The following ADAMTSL1 variants were observed in gnomAD, a reference collection of about 807,000 sequenced individuals.
ADAMTSL1 encodes the protein ADAMTS like 1.
Under a neutral mutation model 201.8 loss-of-function variants are expected in ADAMTSL1, and 126 were observed. The ratio of observed to expected loss-of-function variants is 0.62; its 90% CI spans 0.54 to 0.72. The LOEUF (loss-of-function observed/expected upper bound fraction) is 0.72. Among genes scored for constraint, ADAMTSL1 ranks in the 30% least tolerant of loss-of-function variants. The pLI, the probability that ADAMTSL1 is intolerant of heterozygous loss-of-function variation, is 0.00. For missense variants in ADAMTSL1, 2,679 were observed against 2,277.8 expected, an observed-to-expected ratio of 1.18 and a Z score of -3.59; for synonymous variants, 1,121 against 903.4, an observed-to-expected ratio of 1.24 and a Z score of -4.32.
Position 18,777,259 on chromosome 9 carries a change from G to A in ADAMTSL1, c.3030G>A (p.Lys1010=), listed in dbSNP as rs754816730. ...TCTCCAACGGCAGCAAGGCGGAGAA[G>A]CGGGGCCTGGCCGCCAACCCGGGGA... ...GIFSNGSKAE[K]RGLAANPGSR... The change falls in exon 19 of 29, where the codon AAG becomes AAA. Residue 1010 remains lysine (K), a synonymous_variant. Transcript: ENST00000380548. 1 of 1,611,142 alleles carries A rather than the reference G, an allele frequency of 6.2e-7. No individual in the cohort carries two copies. Among genetic ancestry groups the A allele is most frequent in the Non-Finnish European group, 8.5e-7 (1 of 1,179,122 alleles).
chr9:18,195,039 AG>A (rs1347408719), intron 2 of ADAMTSL1, among the ~76,000 whole-genome samples: 4 of 152,144 alleles, frequency 2.6e-5, no homozygotes, highest in Non-Finnish European at 5.9e-5. Context: ...AGTTCCTATA[AG>A]ATGAAAGGCT....
intron 20 of ADAMTSL1, among the ~76,000 whole-genome samples, chr9:18,810,222 T>C (rs951172396): frequency 6.6e-6 from 1 of 152,174 alleles, no homozygotes; most frequent in Non-Finnish European, 1.5e-5. Context: ...GTATGGAATA[T>C]AAGTTGTATA....
intron 3 of ADAMTSL1, among the ~76,000 whole-genome samples, chr9:18,560,475 TG>T (rs1161085971): frequency 6.6e-6 from 1 of 152,130 alleles, no homozygotes; most frequent in Non-Finnish European, 1.5e-5. Flanking sequence ...TTTTCTTTTT[TG>T]TTGTTGTTTA....
chr9:18,244,547 C>T (rs895105877), intron 2 of ADAMTSL1, among the ~76,000 whole-genome samples: 1 of 152,024 alleles, frequency 6.6e-6, no homozygotes, highest in Admixed American at 6.6e-5. Context: ...TCCTTGCTTC[C>T]TCCTCTTTAC....
intron 19 of ADAMTSL1, 69 bp from the exon 20 acceptor site, chr9:18,795,328 A>T (rs1270703443): frequency 1.9e-6 from 3 of 1,596,144 alleles, no homozygotes; most frequent in Non-Finnish European, 2.6e-6. Context: ...TTCCTGCCTT[A>T]CCAATATTGA....
At chr9:18,367,992 C>A (rs1001426948) in intron 2 of ADAMTSL1, among the ~76,000 whole-genome samples, 1 of 152,014 alleles carries the variant, frequency 6.6e-6, no homozygotes, top group Admixed American at 6.5e-5. Flanking sequence ...CTCCGCCTCC[C>A]GGGTTCACGC....
chr9:18,776,591 C>T (rs115838491), intron 18 of ADAMTSL1, among the ~76,000 whole-genome samples, 190 bp from the exon 19 acceptor site: 2,843 of 152,278 alleles, frequency 0.019, 48 homozygotes, highest in South Asian at 0.072. Flanking sequence ...AAAACACAGG[C>T]AGTAAAGGAT....
In ADAMTSL1 at chr9:18,883,084, T is replaced by C. The variant is rs551167390; in HGVS notation, c.4250-4747T>C. Among the ~76,000 whole-genome samples, 5 of 152,002 alleles carry C rather than the reference T, an allele frequency of 3.3e-5. No individual in the cohort carries two copies. The East Asian group carries it at 5.8e-4, about 18-fold the overall frequency. On this transcript the variant is annotated intron_variant, in intron 23 of 28. Transcript: ENST00000380548. ...TGTCCTATTCCAGGCCTTCAATCCA[T>C]TGGCCAAGTGGAAAAGCTGGAAGAT...
intron 15 of ADAMTSL1, among the ~76,000 whole-genome samples, chr9:18,724,389 A>C (rs926886790): frequency 1.1e-4 from 17 of 152,186 alleles, no homozygotes; most frequent in Non-Finnish European, 2.5e-4. Flanking sequence ...ACTCTGTGTG[A>C]TGGCAGGGAT....
intron 3 of ADAMTSL1, among the ~76,000 whole-genome samples, chr9:18,572,059 G>T (rs77036968): frequency 6.6e-6 from 1 of 152,020 alleles, no homozygotes; most frequent in African/African-American, 2.4e-5. Context: ...GCTGGGTGTG[G>T]GGGCACATGC....
chr9:18,588,653 C>T (rs1398749699), intron 4 of ADAMTSL1, among the ~76,000 whole-genome samples: 1 of 151,704 alleles, frequency 6.6e-6, no homozygotes, highest in East Asian at 1.9e-4. Flanking sequence ...AAATGGGGCT[C>T]TAATTTTATT....
intron 1 of ADAMTSL1, among the ~76,000 whole-genome samples, chr9:18,163,420 G>T (rs1458073647): frequency 6.6e-6 from 1 of 151,982 alleles, no homozygotes; most frequent in African/African-American, 2.4e-5. Context: ...CTGGGCTCAG[G>T]CCAGGCTTTT....
intron 2 of ADAMTSL1, among the ~76,000 whole-genome samples, chr9:18,191,320 G>A (rs900405594): frequency 6.6e-6 from 1 of 152,136 alleles, no homozygotes; most frequent in Non-Finnish European, 1.5e-5. Context: ...CAGAGCTCCT[G>A]TCTTGTCCAG....
At chr9:18,266,265 G>A (rs1208745333) in intron 2 of ADAMTSL1, among the ~76,000 whole-genome samples, 3 of 152,118 alleles carry the variant, frequency 2.0e-5, no homozygotes, top group Non-Finnish European at 4.4e-5. Context: ...TGGTTTGGTG[G>A]GAAGAATGCC....
chr9:18,303,306 C>G (rs1167597660), intron 2 of ADAMTSL1, among the ~76,000 whole-genome samples: 2 of 152,188 alleles, frequency 1.3e-5, no homozygotes, highest in Non-Finnish European at 2.9e-5. Context: ...ACCCTGAAGA[C>G]CTTTCTCCAC....
intron 1 of ADAMTSL1, among the ~76,000 whole-genome samples, chr9:17,916,264 C>T (rs949080272): frequency 1.3e-5 from 2 of 152,154 alleles, no homozygotes; most frequent in Non-Finnish European, 2.9e-5. Context: ...TATTTTCTTC[C>T]AGTCTGTGGC....
At chr9:18,543,706 A>AT (rs1820301464) in intron 3 of ADAMTSL1, among the ~76,000 whole-genome samples, 1 of 152,116 alleles carries the variant, frequency 6.6e-6, no homozygotes, top group South Asian at 2.1e-4. Context: ...AGAAATAAAC[A>AT]TTTTTTTAAT....
At chr9:18,767,260 A>T (rs1017607341) in intron 16 of ADAMTSL1, among the ~76,000 whole-genome samples, 2 of 152,220 alleles carry the variant, frequency 1.3e-5, no homozygotes, top group Non-Finnish European at 2.9e-5. Flanking sequence ...TTATCAGCAC[A>T]AACTTGTTTC....
chr9:18,574,107 T>A lies in ADAMTSL1; in HGVS notation c.315T>A (p.Phe105Leu). ...ATGATGTCAAGCACCATGGCCAGTT[T>A]TATGAATGGCTTCCTGTGTCTAATG... ...AHNDVKHHGQFYEWLPVSNDP... is the reference protein window; with the variant it reads ...AHNDVKHHGQLYEWLPVSNDP... Residue 105 changes from phenylalanine (F) to leucine (L), a missense_variant, in exon 4 of 29, where the codon TTT (phenylalanine) becomes TTA (leucine). By Grantham distance (22) the Phe-to-Leu change is conservative. Transcript: ENST00000380548. The A allele has an allele frequency of 6.2e-7, 1 of 1,614,132 alleles. No homozygotes were observed. Among genetic ancestry groups the A allele is most frequent in the East Asian group, 2.2e-5 (1 of 44,876 alleles).
Sources: gnomAD v4.1 joint callset for allele counts (sites outside exome capture counted in the v4.1 genomes callset) on GRCh38, gnomAD v4.1.1 for gene constraint, MANE v1.5 for transcripts, NCBI Gene and HGNC (gene_info 2026-07-23, HGNC 2026-07-21) for gene names.